Variants in GPC6 observed in about 807,000 individuals in gnomAD.
GPC6 encodes the protein glypican-6.
GPC6 carries 14 observed loss-of-function variants against 55.2 expected under a neutral mutation model. That is an observed-to-expected ratio of 0.25 (90% CI 0.17 to 0.40). The LOEUF is 0.40. Ranked by LOEUF, GPC6 falls within the 10% of genes least tolerant of loss-of-function variation. The pLI is 1.00. For synonymous variants in GPC6, 278 were observed against 259.6 expected (o/e 1.07, Z -0.68); for missense variants, 641 against 708.5 (o/e 0.90, Z 1.08).
chr13:94,284,074 T>C (rs1197445177), intron 4 of GPC6, among the ~76,000 whole-genome samples: 2 of 152,184 alleles, frequency 1.3e-5, no homozygotes, highest in Non-Finnish European at 2.9e-5. Context: ...GAAGTTCTCC[T>C]AAAACCCAGG....
rs140494742 is a variant in GPC6, at chr13:93,791,109, A to T, written c.320-39045A>T. On this transcript the variant is annotated intron_variant, in intron 2 of 8. Transcript: ENST00000377047. Reference sequence around the variant, plus strand: ...ATGAAATGTAAAATGTTGGTTCTGTACATAGTGATTCATTCATCGATGAAT... The same window carrying T: ...ATGAAATGTAAAATGTTGGTTCTGTTCATAGTGATTCATTCATCGATGAAT... Among the ~76,000 whole-genome samples the T allele has an allele frequency of 1.3e-4, 20 of 152,268 alleles. No individual in the cohort carries two copies. In the East Asian group the frequency reaches 2.7e-3, roughly 21 times the overall value.
chr13:94,220,203 G>A lies in GPC6; in HGVS notation c.878-66146G>A, dbSNP rs570204573. On this transcript the variant is annotated intron_variant, in intron 4 of 8. Coordinates refer to ENST00000377047, the MANE Select transcript of GPC6 (RefSeq NM_005708.5). ...AACTATCACCAAACAAACAGGCCCA[G>A]CACAACCCCTCTTCCCTGGACACAG... 1.2e-4 allele frequency among the ~76,000 whole-genome samples: 18 copies of A among 152,166 alleles called. No individual in the cohort carries two copies. In the South Asian group the frequency reaches 3.5e-3, roughly 30 times the overall value.
At chr13:93,302,003 A>T (rs1274810124) in intron 1 of GPC6, among the ~76,000 whole-genome samples, 1 of 152,216 alleles carries the variant, frequency 6.6e-6, no homozygotes, top group Non-Finnish European at 1.5e-5. Context: ...TGGTTTAGTT[A>T]TACAATAATA....
At chr13:93,462,938 G>A (rs1244327200) in intron 1 of GPC6, among the ~76,000 whole-genome samples, 2 of 152,050 alleles carry the variant, frequency 1.3e-5, no homozygotes, top group African/African-American at 4.8e-5. Flanking sequence ...TGCCTCCTAA[G>A]GCTTCAAAAT....
chr13:93,437,786 G>A (rs1003435982), intron 1 of GPC6, among the ~76,000 whole-genome samples: 1 of 152,144 alleles, frequency 6.6e-6, no homozygotes, highest in African/African-American at 2.4e-5. Flanking sequence ...GATGAAGATA[G>A]CTACACTAAA....
chr13:94,163,265 A>C (rs77998236), intron 4 of GPC6, among the ~76,000 whole-genome samples: 2,668 of 152,108 alleles, frequency 0.018, 83 homozygotes, highest in African/African-American at 0.061. Flanking sequence ...TTTTCTTATT[A>C]TCCTGTTTTG....
intron 1 of GPC6, among the ~76,000 whole-genome samples, chr13:93,333,648 C>T (rs1418172740): frequency 2.0e-5 from 3 of 151,636 alleles, no homozygotes; most frequent in Non-Finnish European, 4.4e-5. Context: ...CCTCCCACCT[C>T]AGCCTCCCAA....
At chr13:93,361,632 T>C (rs1230529361) in intron 1 of GPC6, among the ~76,000 whole-genome samples, 1 of 152,162 alleles carries the variant, frequency 6.6e-6, no homozygotes, top group South Asian at 2.1e-4. Flanking sequence ...AAAGAAAAAG[T>C]GTTTACAAAT....
At position 93,616,745 on chromosome 13, in the gene GPC6, CACAA is replaced by C. The variant is rs1477293389; in HGVS notation, c.319+71329_319+71332del. Among the ~76,000 whole-genome samples the C allele has an allele frequency of 2.0e-5, 3 of 152,162 alleles. No individual in the cohort carries two copies. In the East Asian group the frequency reaches 5.8e-4, roughly 29 times the overall value. ...TATGAATACCCATAGATTAAAGAAA[CACAA>C]ACAATTCCCACAACCAATCTGTGAA... On this transcript the variant is annotated intron_variant, in intron 2 of 8. Coordinates refer to ENST00000377047, the MANE Select transcript of GPC6 (RefSeq NM_005708.5).
At chr13:93,355,726 T>C (rs1423880220) in intron 1 of GPC6, among the ~76,000 whole-genome samples, 1 of 152,180 alleles carries the variant, frequency 6.6e-6, no homozygotes, top group Non-Finnish European at 1.5e-5. Flanking sequence ...ACTGGGGTTC[T>C]GTGTGGGAGC....
intron 3 of GPC6, among the ~76,000 whole-genome samples, chr13:93,981,412 G>T (rs1020024177): frequency 6.6e-6 from 1 of 151,956 alleles, no homozygotes; most frequent in African/African-American, 2.4e-5. Context: ...TGCCCTTTGG[G>T]GCCATGTGAG....
chr13:94,248,294 A>G (rs999939630), intron 4 of GPC6, among the ~76,000 whole-genome samples: 1 of 152,122 alleles, frequency 6.6e-6, no homozygotes, highest in Non-Finnish European at 1.5e-5. Context: ...TGACAGCAAC[A>G]TCTACGTTTG....
chr13:94,156,626 G>A (rs1464727356), intron 4 of GPC6, among the ~76,000 whole-genome samples: 1 of 152,152 alleles, frequency 6.6e-6, no homozygotes, highest in East Asian at 1.9e-4. Context: ...AATACTTTGT[G>A]AGGCTGCTCA....
rs1882182401 is a variant in GPC6, at chr13:94,010,083, T to C, written c.712-17646T>C. Among the ~76,000 whole-genome samples, 10 of 152,214 alleles carry C rather than the reference T, an allele frequency of 6.6e-5. 2 individuals are homozygous for C. In the Middle Eastern group the frequency reaches 0.027, roughly 414 times the overall value. ...CGAAGCCTGCAAAAACAAACCCAAA[T>C]TGAAGATCAAATAATCGATGCTTAT... is the stretch of plus-strand genomic sequence containing the variant. On this transcript the variant is annotated intron_variant, in intron 3 of 8. Transcript: ENST00000377047.
chr13:93,809,641 G>A (rs1019931135), intron 2 of GPC6, among the ~76,000 whole-genome samples: 2 of 152,118 alleles, frequency 1.3e-5, no homozygotes, highest in African/African-American at 2.4e-5. Flanking sequence ...TGCCCTGCTC[G>A]TTGGCCTCTA....
At position 94,403,733 on chromosome 13, in the gene GPC6, A is replaced by G. The variant is rs1310949547; in HGVS notation, c.*516A>G. 1.5e-5 allele frequency: 3 copies of G among 195,494 alleles called. No homozygotes were observed. The highest frequency in any genetic ancestry group is 7.1e-5 in the African/African-American group (3 of 42,098). 12.1% of individuals were successfully genotyped at this position (195,494 alleles called of 1,614,324 possible). A position where few individuals can be genotyped will look rare whatever the true frequency, so the allele number is the denominator to read the frequency against. ...GCTTTTTTGTGACAAATCCGGGTTT[A>G]AAAATGCTTATGGGGAGAAAGCTTA... On this transcript the variant is annotated 3_prime_UTR_variant, in exon 9 of 9. Coordinates refer to ENST00000377047, the MANE Select transcript of GPC6 (RefSeq NM_005708.5).
At position 93,921,290 on chromosome 13, in the gene GPC6, G is replaced by C. The variant is rs181617741; in HGVS notation, c.711+90745G>C. Among the ~76,000 whole-genome samples, 688 of 152,254 alleles carry C rather than the reference G, an allele frequency of 4.5e-3. 4 individuals are homozygous for C. The highest frequency in any genetic ancestry group is 0.01 in the Middle Eastern group (3 of 294). Reference sequence around the variant, plus strand: ...CAGTAGTGTCTAGAAGTGGATGCCTGTGACTCCTGAAGCCCCAGTGGGCAT... The same window carrying C: ...CAGTAGTGTCTAGAAGTGGATGCCTCTGACTCCTGAAGCCCCAGTGGGCAT... On this transcript the variant is annotated intron_variant, in intron 3 of 8. Coordinates refer to ENST00000377047, the MANE Select transcript of GPC6 (RefSeq NM_005708.5).
intron 4 of GPC6, among the ~76,000 whole-genome samples, chr13:94,160,689 C>T (rs1888127232): frequency 6.6e-6 from 1 of 152,214 alleles, no homozygotes; most frequent in Non-Finnish European, 1.5e-5. Context: ...GAAATCTTCA[C>T]AGCCACTCCA....
intron 3 of GPC6, among the ~76,000 whole-genome samples, chr13:93,881,427 T>C (rs544257211): frequency 5.9e-5 from 9 of 152,094 alleles, no homozygotes; most frequent in African/African-American, 9.7e-5. Context: ...CTAAATTATA[T>C]TGGAAGCTAA....
Sources: gnomAD v4.1 joint callset for allele counts (sites outside exome capture counted in the v4.1 genomes callset) on GRCh38, gnomAD v4.1.1 for gene constraint, MANE v1.5 for transcripts, NCBI Gene and HGNC (gene_info 2026-07-23, HGNC 2026-07-21) for gene names.